ATXN10: variants seen among roughly 807,000 people sequenced by gnomAD.
ATXN10 encodes the protein ataxin 10, also known as ataxin-10.
A neutral mutation model predicts 52.9 loss-of-function variants in ATXN10; 28 were observed. That is an observed-to-expected ratio of 0.53 (90% CI 0.39 to 0.73). ATXN10 has a LOEUF of 0.73. ATXN10 is among the 30% of genes least tolerant of loss of function. ATXN10 has a pLI of 0.00. For missense variants in ATXN10, 565 were observed against 577.0 expected, an observed-to-expected ratio of 0.98 and a Z score of 0.21; for synonymous variants, 226 against 221.5, an observed-to-expected ratio of 1.02 and a Z score of -0.18.
At chr22:45,695,743 C>T (rs917368895) in intron 3 of ATXN10, among the ~76,000 whole-genome samples, 12 of 152,058 alleles carry the variant, frequency 7.9e-5, no homozygotes, top group African/African-American at 2.2e-4. Context: ...CTACCCACCT[C>T]GGCCTCTCAA....
At chr22:45,758,152 A>C (rs928441630) in intron 9 of ATXN10, among the ~76,000 whole-genome samples, 2 of 152,202 alleles carry the variant, frequency 1.3e-5, no homozygotes, top group Non-Finnish European at 2.9e-5. Flanking sequence ...GAGCTTCCGC[A>C]GCTCCCGCCT....
At chr22:45,699,490 C>CTTTTTTTT (rs917191404) in intron 3 of ATXN10, among the ~76,000 whole-genome samples, 1 of 117,284 alleles carries the variant, frequency 8.5e-6, no homozygotes, top group African/African-American at 3.3e-5. Context: ...TTTTTCTTTC[C>CTTTTTTTT]TTTTTTTTTT....
In ATXN10 at chr22:45,688,330, C is replaced by T. The variant is rs2146735694; in HGVS notation, c.117-1382C>T. 6.6e-6 allele frequency among the ~76,000 whole-genome samples: 1 copy of T among 151,960 alleles called. No homozygotes were observed. The highest frequency in any genetic ancestry group is 1.9e-4 in the East Asian group (1 of 5,176). On this transcript the variant is annotated intron_variant, in intron 1 of 11. Transcript: ENST00000252934. The surrounding 1 kb of genome is among the most constrained non-coding windows in gnomAD (Gnocchi z 4.0). ...AATTTATACTCTGCCTCTTTCAAAA[C>T]CAAGTTTGAGATACCTTAAAAAATA...
rs568591730 is a variant in ATXN10, at chr22:45,688,222, T to G, written c.117-1490T>G. On this transcript the variant is annotated intron_variant, in intron 1 of 11. Transcript: ENST00000252934. The surrounding 1 kb of genome is among the most constrained non-coding windows in gnomAD (Gnocchi z 4.0). ...GTCACTCAGTTGCCGAGACACTGAG[T>G]CAAAGTTTCATTATTTACACTCAGG... is the stretch of plus-strand genomic sequence containing the variant. 6.6e-6 allele frequency among the ~76,000 whole-genome samples: 1 copy of G among 152,282 alleles called. No individual in the cohort carries two copies. The highest frequency in any genetic ancestry group is 1.5e-5 in the Non-Finnish European group (1 of 68,014).
Position 45,724,647 on chromosome 22 carries a change from G to A in ATXN10, c.729-4778G>A, listed in dbSNP as rs549836558. ...GTTTACTCTGATGATTATTTCTTCC[G>A]CTGTGCAGATGCATTTTAGTTTAAC... On this transcript the variant is annotated intron_variant, in intron 6 of 11. Transcript: ENST00000252934. Among the ~76,000 whole-genome samples, 33 of 152,156 alleles carry A rather than the reference G, an allele frequency of 2.2e-4. 1 individual carries two copies. The highest frequency in any genetic ancestry group is 1.7e-3 in the Admixed American group (26 of 15,284).
Position 45,740,440 on chromosome 22 carries a change from G to A in ATXN10, c.1075G>A (p.Ala359Thr). 1.9e-6 allele frequency: 3 copies of A among 1,613,954 alleles called. No individual in the cohort carries two copies. The highest frequency in any genetic ancestry group is 2.5e-6 in the Non-Finnish European group (3 of 1,179,928). ...CTTCAGTAATTGTGGTTGCGTGAGA[G>A]CAGAAGGTGACATCTCCAATGTGGC... is the stretch of plus-strand genomic sequence containing the variant. ...NIFSNCGCVR[A>T]EGDISNVANG... is the part of the protein sequence containing the mutation. The change falls in exon 9 of 12, where the codon GCA becomes ACA. Residue 359 changes from alanine to threonine, a missense_variant. Ala to Thr is a moderately conservative substitution (Grantham distance 58, BLOSUM62 0). Transcript: ENST00000252934.
At position 45,789,336 on chromosome 22, in the gene ATXN10, G is replaced by T. The variant is rs552636649; in HGVS notation, c.1174-17623G>T. 5.3e-5 allele frequency among the ~76,000 whole-genome samples: 8 copies of T among 152,314 alleles called. No homozygotes were observed. The highest frequency in any genetic ancestry group is 1.9e-4 in the African/African-American group (8 of 41,564). On this transcript the variant is annotated intron_variant, in intron 9 of 11. Transcript: ENST00000252934. The surrounding 1 kb of genome is among the most constrained non-coding windows in gnomAD (Gnocchi z 4.0). ...GGTTATATTTGGACCCTGCAAGGGT[G>T]GAAGGTGAGCTTTTGCTTCTCACGC...
intron 9 of ATXN10, among the ~76,000 whole-genome samples, chr22:45,779,675 C>A (rs1927078092): frequency 6.6e-6 from 1 of 152,178 alleles, no homozygotes; most frequent in Non-Finnish European, 1.5e-5. Flanking sequence ...AAGTTTAGAT[C>A]TGAAAGCACA....
Position 45,770,804 on chromosome 22 carries a change from T to TA in ATXN10, c.1173+30267dup, listed in dbSNP as rs1926750433. On this transcript the variant is annotated intron_variant, in intron 9 of 11. Coordinates refer to ENST00000252934, the MANE Select transcript of ATXN10 (RefSeq NM_013236.4). This position sits in a 1 kb window ranked among gnomAD's most constrained non-coding sequence, Gnocchi z 4.5. The stretch of plus-strand genomic sequence containing the variant: ...TTCTCCATGCCTTGCTGGGACCCTT[T>TA]AGCCAGTGAATTGTTTCATTTGGTC... Among the ~76,000 whole-genome samples, 1 of 152,230 alleles carries TA rather than the reference T, an allele frequency of 6.6e-6. No homozygotes were observed. Among genetic ancestry groups the TA allele is most frequent in the Non-Finnish European group, 1.5e-5 (1 of 68,036 alleles).
chr22:45,771,331 A>AT lies in ATXN10; in HGVS notation c.1173+30797dup, dbSNP rs144985869. Among the ~76,000 whole-genome samples, 1,371 of 150,642 alleles carry AT rather than the reference A, an allele frequency of 9.1e-3. 32 individuals are homozygous for AT. Among genetic ancestry groups the AT allele is most frequent in the African/African-American group, 0.032 (1,316 of 40,918 alleles). ...TCTAATAAGTGTGTAGTGGTATCTC[A>AT]TTTTGTTGTAGTTTTTATTGCCCTA... On this transcript the variant is annotated intron_variant, in intron 9 of 11. Transcript: ENST00000252934.
At chr22:45,691,571 A>G (rs1923377385) in intron 2 of ATXN10, among the ~76,000 whole-genome samples, 1 of 152,254 alleles carries the variant, frequency 6.6e-6, no homozygotes, top group South Asian at 2.1e-4. Flanking sequence ...CTTAACAAGC[A>G]GTCTGCCCTT....
intron 10 of ATXN10, among the ~76,000 whole-genome samples, chr22:45,831,726 C>A (rs1167015876): frequency 6.6e-6 from 1 of 152,272 alleles, no homozygotes; most frequent in Non-Finnish European, 1.5e-5. Flanking sequence ...CCTCAACTTT[C>A]TGCCCACAAG....
chr22:45,737,354 T>C (rs1014913538), intron 7 of ATXN10, among the ~76,000 whole-genome samples: 4 of 152,198 alleles, frequency 2.6e-5, no homozygotes, highest in African/African-American at 9.7e-5. Flanking sequence ...AGCAGTGGTA[T>C]CTCACGATAA....
chr22:45,801,538 C>T lies in ATXN10; in HGVS notation c.1174-5421C>T, dbSNP rs188015051. On this transcript the variant is annotated intron_variant, in intron 9 of 11. Coordinates refer to ENST00000252934, the MANE Select transcript of ATXN10 (RefSeq NM_013236.4). ...TCAATGGTACTATATTTTTGTGAGA[C>T]TTAGAATTGCTGTGTAAGGCTAAAG... Among the ~76,000 whole-genome samples, 6 of 152,294 alleles carry T rather than the reference C, an allele frequency of 3.9e-5. No homozygotes were observed. The East Asian group carries it at 1.2e-3, about 29-fold the overall frequency.
chr22:45,778,094 CTTAACTAT>C (rs1051529207), intron 9 of ATXN10, among the ~76,000 whole-genome samples: 1 of 152,160 alleles, frequency 6.6e-6, no homozygotes, highest in African/African-American at 2.4e-5. Flanking sequence ...TTTGCAGAGT[CTTAACTAT>C]TTATTTTCTA....
intron 9 of ATXN10, among the ~76,000 whole-genome samples, chr22:45,803,108 G>A (rs780119361): frequency 4.6e-5 from 7 of 152,202 alleles, no homozygotes; most frequent in Non-Finnish European, 1.0e-4. Flanking sequence ...TATTTACTGT[G>A]TGCTAAACAC....
At chr22:45,694,481 G>A (rs955433185) in intron 3 of ATXN10, among the ~76,000 whole-genome samples, 1 of 151,466 alleles carries the variant, frequency 6.6e-6, no homozygotes, top group African/African-American at 2.4e-5. Context: ...GTGAAACCCC[G>A]TTTCCAAAAA....
At chr22:45,723,994 C>T (rs1338764695) in intron 6 of ATXN10, among the ~76,000 whole-genome samples, 1 of 151,514 alleles carries the variant, frequency 6.6e-6, no homozygotes, top group African/African-American at 2.4e-5. Context: ...ATCCAAGTTG[C>T]TGCATAAGAC....
chr22:45,692,624 A>T (rs1923427149), intron 2 of ATXN10, among the ~76,000 whole-genome samples: 1 of 152,222 alleles, frequency 6.6e-6, no homozygotes, highest in Non-Finnish European at 1.5e-5. Context: ...TAAGTCGTTA[A>T]AGAGTTCATC....
Sources: allele counts gnomAD v4.1 joint callset (sites outside exome capture counted in the v4.1 genomes callset), GRCh38; gene constraint gnomAD v4.1.1; non-coding constraint Gnocchi (gnomAD v3.1); transcripts MANE v1.5; gene names NCBI Gene and HGNC (gene_info 2026-07-23, HGNC 2026-07-21).